CNTN5: variants seen among roughly 807,000 people sequenced by gnomAD.
CNTN5 encodes the protein contactin 5, also known as contactin-5.
In CNTN5, 77 loss-of-function variants were observed where a neutral mutation model predicts 129.1. That is an observed-to-expected ratio of 0.60 (90% CI 0.50 to 0.72). The LOEUF is 0.72. CNTN5 is among the 30% of genes least tolerant of loss of function. The pLI, the probability that CNTN5 is intolerant of heterozygous loss-of-function variation, is 0.00. For missense variants in CNTN5, 1,478 were observed against 1,328.8 expected (o/e 1.11, Z -1.75); for synonymous variants, 509 against 465.6 (o/e 1.09, Z -1.20).
rs553540845 is a variant in CNTN5, at chr11:99,744,543, TAAAAAAAAAAAAA to T, written c.56-74983_56-74971del. The stretch of plus-strand genomic sequence containing the variant: ...GCAAAACCCCGTCTCTACAAAAAGT[TAAAAAAAAAAAAA>T]AAAAAAAAAAAAAAAAAGCTGGGTG... On this transcript the variant is annotated intron_variant, in intron 3 of 24. Coordinates refer to ENST00000524871, the MANE Select transcript of CNTN5 (RefSeq NM_014361.4). Among the ~76,000 whole-genome samples, 15 of 37,494 alleles carry T rather than the reference TAAAAAAAAAAAAA, an allele frequency of 4.0e-4. 1 individual carries two copies. The highest frequency in any genetic ancestry group is 0.023 in the Middle Eastern group (1 of 44). 24.6% of individuals were successfully genotyped at this position (37,494 alleles called of 152,430 possible).
intron 3 of CNTN5, among the ~76,000 whole-genome samples, chr11:99,671,764 T>C (rs1254503941): frequency 6.6e-6 from 1 of 152,208 alleles, no homozygotes; most frequent in African/African-American, 2.4e-5. Flanking sequence ...TAAAAATTAC[T>C]TCTGAGAAAT....
intron 6 of CNTN5, among the ~76,000 whole-genome samples, chr11:99,899,205 G>GA (rs1949288449): frequency 6.6e-6 from 1 of 151,860 alleles, no homozygotes; most frequent in Non-Finnish European, 1.5e-5. Flanking sequence ...TCCCAATTTG[G>GA]ATGCCTTTTA....
intron 3 of CNTN5, among the ~76,000 whole-genome samples, chr11:99,770,298 A>C (rs913575862): frequency 5.9e-5 from 9 of 152,178 alleles, no homozygotes; most frequent in African/African-American, 2.2e-4. Context: ...ACAAAGGTAC[A>C]TTCAAAGAAG....
chr11:99,442,089 G>T (rs1458559785), intron 2 of CNTN5, among the ~76,000 whole-genome samples: 1 of 152,106 alleles, frequency 6.6e-6, no homozygotes, highest in Non-Finnish European at 1.5e-5. Context: ...TTTCACATTT[G>T]TTGTAGTTAT....
At chr11:100,347,201 A>C in intron 23 of CNTN5, among the ~76,000 whole-genome samples, 1 of 152,124 alleles carries the variant, frequency 6.6e-6, no homozygotes, top group East Asian at 1.9e-4. Flanking sequence ...CCTGAGATAT[A>C]TGTACACTTG....
At chr11:99,070,538 AAGAT>A (rs1310782125) in intron 1 of CNTN5, among the ~76,000 whole-genome samples, 1 of 152,050 alleles carries the variant, frequency 6.6e-6, no homozygotes, top group Non-Finnish European at 1.5e-5. Flanking sequence ...TAAAAAAAAA[AAGAT>A]AGATGGACCA....
At chr11:99,444,055 G>A (rs1943951831) in intron 2 of CNTN5, among the ~76,000 whole-genome samples, 1 of 151,932 alleles carries the variant, frequency 6.6e-6, no homozygotes, top group South Asian at 2.1e-4. Context: ...AAAATTAGCT[G>A]GGTGTGGTGG....
chr11:99,909,904 A>G (rs909448620), intron 6 of CNTN5, among the ~76,000 whole-genome samples: 1 of 152,084 alleles, frequency 6.6e-6, no homozygotes, highest in Non-Finnish European at 1.5e-5. Flanking sequence ...TGGCACATGT[A>G]TACATATGTA....
At chr11:100,332,438 C>G (rs1033661603) in intron 21 of CNTN5, among the ~76,000 whole-genome samples, 2 of 152,088 alleles carry the variant, frequency 1.3e-5, no homozygotes, top group Non-Finnish European at 1.5e-5. Context: ...TCTACTGACA[C>G]TACTCAAAAA....
chr11:100,166,327 T>A (rs1461255029), intron 13 of CNTN5, among the ~76,000 whole-genome samples: 1 of 151,774 alleles, frequency 6.6e-6, no homozygotes, highest in African/African-American at 2.4e-5. Context: ...AGTAGATGAT[T>A]ACTGCCCCCG....
intron 18 of CNTN5, among the ~76,000 whole-genome samples, chr11:100,278,446 G>T (rs1822248): frequency 0.72 from 108,970 of 151,918 alleles, 41,120 homozygotes; most frequent in South Asian, 0.9. Context: ...TTCATGAACA[G>T]GGAATATCTT....
intron 1 of CNTN5, among the ~76,000 whole-genome samples, chr11:99,102,270 C>T (rs1175225186): frequency 6.6e-6 from 1 of 151,604 alleles, no homozygotes; most frequent in Non-Finnish European, 1.5e-5. Context: ...GGAGGGGCTG[C>T]TGCAAAGGTC....
At chr11:99,753,980 AC>A (rs1944325674) in intron 3 of CNTN5, among the ~76,000 whole-genome samples, 1 of 110,760 alleles carries the variant, frequency 9.0e-6, no homozygotes, top group Non-Finnish European at 2.1e-5. Context: ...GAGCCACGGC[AC>A]CCTGCCAAAA....
chr11:99,985,514 G>C (rs1869395), intron 8 of CNTN5, among the ~76,000 whole-genome samples: 1 of 152,048 alleles, frequency 6.6e-6, no homozygotes, highest in African/African-American at 2.4e-5. Flanking sequence ...TTTTGGAAAA[G>C]GCAACATTCA....
intron 6 of CNTN5, among the ~76,000 whole-genome samples, chr11:99,881,568 T>A (rs1273487241): frequency 6.6e-6 from 1 of 152,154 alleles, no homozygotes; most frequent in Non-Finnish European, 1.5e-5. Flanking sequence ...TCAAAAGGGA[T>A]TTAAGGGCTA....
At chr11:99,660,629 T>C (rs1416418999) in intron 3 of CNTN5, among the ~76,000 whole-genome samples, 1 of 152,152 alleles carries the variant, frequency 6.6e-6, no homozygotes, top group African/African-American at 2.4e-5. Flanking sequence ...GTATTTTTGG[T>C]AGAGCCAGCA....
intron 8 of CNTN5, among the ~76,000 whole-genome samples, chr11:99,957,823 G>T (rs1314366227): frequency 6.6e-6 from 1 of 151,850 alleles, no homozygotes; most frequent in South Asian, 2.1e-4. Flanking sequence ...CAAGATTTTT[G>T]CTTACTACTT....
At chr11:100,080,310 T>G (rs1292025676) in intron 13 of CNTN5, among the ~76,000 whole-genome samples, 3 of 152,170 alleles carry the variant, frequency 2.0e-5, no homozygotes, top group African/African-American at 7.2e-5. Context: ...AATTTTTCTT[T>G]TATGGGACTG....
chr11:99,722,552 A>G (rs1386191009), intron 3 of CNTN5, among the ~76,000 whole-genome samples: 1 of 152,086 alleles, frequency 6.6e-6, no homozygotes, highest in East Asian at 1.9e-4. Flanking sequence ...TGGGTAATTA[A>G]ATAATATCTA....
Sources: allele counts gnomAD v4.1 joint callset (sites outside exome capture counted in the v4.1 genomes callset), GRCh38; gene constraint gnomAD v4.1.1; transcripts MANE v1.5; gene names NCBI Gene and HGNC (gene_info 2026-07-23, HGNC 2026-07-21).